PCSK1: variants seen among roughly 807,000 people sequenced by gnomAD.
PCSK1 encodes the protein proprotein convertase subtilisin/kexin type 1, also known as neuroendocrine convertase 1.
Under a neutral mutation model 90.6 loss-of-function variants are expected in PCSK1, and 56 were observed. That is an observed-to-expected ratio of 0.62 (90% CI 0.50 to 0.77). The LOEUF (loss-of-function observed/expected upper bound fraction) is 0.77. Ranked by LOEUF, PCSK1 falls within the 30% of genes least tolerant of loss-of-function variation. The pLI, the probability that PCSK1 is intolerant of heterozygous loss-of-function variation, is 0.00. For missense variants in PCSK1, 801 were observed against 932.6 expected, an observed-to-expected ratio of 0.86 and a Z score of 1.84; for synonymous variants, 348 against 342.4, an observed-to-expected ratio of 1.02 and a Z score of -0.18.
chr5:96,430,262 T>G (rs1157545850), intron 1 of PCSK1, among the ~76,000 whole-genome samples: 2 of 152,234 alleles, frequency 1.3e-5, no homozygotes, highest in Admixed American at 1.3e-4. Flanking sequence ...AGTCTCCCTT[T>G]ACTCAGTACT....
In PCSK1 at chr5:96,393,053, C is replaced by T; in HGVS notation, c.2210G>A (p.Arg737Lys). 1 of 1,614,174 alleles carries T rather than the reference C, an allele frequency of 6.2e-7. No homozygotes were observed. Among genetic ancestry groups the T allele is most frequent in the Non-Finnish European group, 8.5e-7 (1 of 1,179,992 alleles). The change falls in exon 14 of 14, where the codon AGA becomes AAA. Residue 737 changes from arginine to lysine, a missense_variant. Arg to Lys is a conservative substitution (Grantham distance 26). Coordinates refer to ENST00000311106, the MANE Select transcript of PCSK1 (RefSeq NM_000439.5). ...CAGAGCTTGAAGCAGCCGGTCGTCTCTGTGCTTGTAAGGTTTAGTGTTATA... is the reference window on the plus strand; with the variant it reads ...CAGAGCTTGAAGCAGCCGGTCGTCTTTGTGCTTGTAAGGTTTAGTGTTATA... Reference protein sequence around the residue: ...VFYNTKPYKHRDDRLLQALVD... With the variant: ...VFYNTKPYKHKDDRLLQALVD...
At chr5:96,413,021 G>A in intron 6 of PCSK1, 1 of 905,574 alleles carries the variant, frequency 1.1e-6, no homozygotes, top group Non-Finnish European at 1.3e-6. Flanking sequence ...CAAGGACTCT[G>A]GACAGGAAAC....
intron 5 of PCSK1, among the ~76,000 whole-genome samples, chr5:96,420,011 A>C (rs536486465): frequency 6.6e-6 from 1 of 152,100 alleles, no homozygotes. Flanking sequence ...CTGCCTAGGA[A>C]GGAGCCAGTG....
At chr5:96,406,991 A>AG (rs1294840153) in intron 9 of PCSK1, among the ~76,000 whole-genome samples, 1 of 152,214 alleles carries the variant, frequency 6.6e-6, no homozygotes, top group East Asian at 1.9e-4. Context: ...GGTAATTATG[A>AG]GAAAAAAAAA....
At chr5:96,426,644 G>T (rs1402991868) in intron 2 of PCSK1, among the ~76,000 whole-genome samples, 2 of 152,082 alleles carry the variant, frequency 1.3e-5, no homozygotes, top group African/African-American at 2.4e-5. Flanking sequence ...AGAGTGAGGG[G>T]CTGCCTTGTA....
At position 96,390,449 on chromosome 5, in the gene PCSK1, G is replaced by T. The variant is rs2112381563; in HGVS notation, c.*2552C>A. ...AATACATCAAATGTATAATGTGGAA[G>T]TTCCCTTAAGAATACCAAGACCACA... On this transcript the variant is annotated 3_prime_UTR_variant, in exon 14 of 14. Transcript: ENST00000311106. The T allele has an allele frequency of 6.6e-6, 1 of 152,374 alleles. No individual in the cohort carries two copies. The highest frequency in any genetic ancestry group is 1.9e-4 in the East Asian group (1 of 5,192). The allele number at this position is 152,374 out of a possible 1,614,324, so 9.4% of individuals were successfully genotyped here.
chr5:96,398,355 C>T (rs903219043), intron 11 of PCSK1, among the ~76,000 whole-genome samples: 1 of 152,150 alleles, frequency 6.6e-6, no homozygotes, highest in African/African-American at 2.4e-5. Flanking sequence ...GAGCTCTTTC[C>T]CATCCACTAT....
intron 8 of PCSK1, among the ~76,000 whole-genome samples, 167 bp from the exon 9 acceptor site, chr5:96,408,490 T>C (rs1760647053): frequency 2.0e-5 from 3 of 152,228 alleles, no homozygotes; most frequent in Admixed American, 1.3e-4. Flanking sequence ...TGCCATCTGC[T>C]GATATTTTAG....
chr5:96,403,041 G>C (rs1760437591), intron 9 of PCSK1, among the ~76,000 whole-genome samples: 1 of 152,172 alleles, frequency 6.6e-6, no homozygotes, highest in Non-Finnish European at 1.5e-5. Flanking sequence ...AGTATGTGCA[G>C]GTGCATGTGT....
intron 6 of PCSK1, among the ~76,000 whole-genome samples, chr5:96,413,950 T>A (rs1291419143): frequency 6.0e-5 from 6 of 100,380 alleles, no homozygotes; most frequent in Admixed American, 2.7e-4. Flanking sequence ...AAACCCTGTC[T>A]CCACTAAAAA....
Position 96,391,133 on chromosome 5 carries a change from T to A in PCSK1, c.*1868A>T, listed in dbSNP as rs1337721586. On this transcript the variant is annotated 3_prime_UTR_variant, in exon 14 of 14. Transcript: ENST00000311106. ...CTAACACTTCATATCAAACAATATA[T>A]GAAACTTCCAAGGACAGAGTGATTC... The A allele has an allele frequency of 6.6e-6, 1 of 152,232 alleles. No individual in the cohort carries two copies. Among genetic ancestry groups the A allele is most frequent in the African/African-American group, 2.4e-5 (1 of 41,452 alleles). 9.4% of individuals were successfully genotyped at this position (152,232 alleles called of 1,614,324 possible).
At chr5:96,414,139 A>C (rs1490467494) in intron 6 of PCSK1, among the ~76,000 whole-genome samples, 1 of 140,456 alleles carries the variant, frequency 7.1e-6, no homozygotes, top group African/African-American at 2.6e-5. Context: ...ACTCTGTCTA[A>C]AAAAAAAAAA....
chr5:96,410,103 C>G (rs1279574177), intron 8 of PCSK1, among the ~76,000 whole-genome samples: 1 of 152,100 alleles, frequency 6.6e-6, no homozygotes, highest in Non-Finnish European at 1.5e-5. Context: ...AGGTGTCTCC[C>G]TTTGTTCTCA....
chr5:96,429,822 C>G (rs1761435369), intron 1 of PCSK1, among the ~76,000 whole-genome samples: 1 of 152,160 alleles, frequency 6.6e-6, no homozygotes, highest in Non-Finnish European at 1.5e-5. Flanking sequence ...AATATTATTG[C>G]TTGAGTTCAC....
intron 9 of PCSK1, among the ~76,000 whole-genome samples, chr5:96,401,291 T>C (rs1760365075): frequency 1.3e-5 from 2 of 151,040 alleles, no homozygotes; most frequent in Non-Finnish European, 2.9e-5. Context: ...GGGGGTAGAG[T>C]GTTAAGAAGT....
intron 4 of PCSK1, among the ~76,000 whole-genome samples, chr5:96,423,011 C>T (rs1309429856): frequency 6.6e-6 from 1 of 151,870 alleles, no homozygotes; most frequent in Non-Finnish European, 1.5e-5. Flanking sequence ...CTTTAATGCC[C>T]CAAACACTGA....
intron 13 of PCSK1, 140 bp downstream of exon 13, chr5:96,394,724 G>C (rs1760070139): frequency 1.3e-6 from 1 of 761,024 alleles, no homozygotes; most frequent in African/African-American, 1.7e-5. Flanking sequence ...CTATGGAAAA[G>C]AATAGTTTAC....
chr5:96,412,524 T>A, intron 6 of PCSK1, 34 bp from the exon 7 acceptor site: 2 of 1,585,538 alleles, frequency 1.3e-6, no homozygotes, highest in Non-Finnish European at 1.7e-6. Flanking sequence ...CACACAAAGG[T>A]TGATGTCAGT....
intron 11 of PCSK1, 151 bp downstream of exon 11, chr5:96,398,728 A>G (rs1760250058): frequency 4.2e-6 from 3 of 707,420 alleles, no homozygotes; most frequent in Admixed American, 4.3e-5. Flanking sequence ...GAGATCTAAC[A>G]CCAAGAAAAA....
Sources: gnomAD v4.1 joint callset for allele counts (sites outside exome capture counted in the v4.1 genomes callset) on GRCh38, gnomAD v4.1.1 for gene constraint, MANE v1.5 for transcripts, NCBI Gene and HGNC (gene_info 2026-07-23, HGNC 2026-07-21) for gene names.